The following HCN1 variants were observed in gnomAD, a reference collection of about 807,000 sequenced individuals.
The protein encoded by HCN1 is potassium/sodium hyperpolarization-activated cyclic nucleotide-gated channel 1.
In HCN1, 13 loss-of-function variants were observed where a neutral mutation model predicts 78.9. The ratio of observed to expected loss-of-function variants is 0.16; its 90% confidence interval spans 0.11 to 0.26. HCN1 has a LOEUF of 0.26. Ranked by LOEUF, HCN1 falls within the 10% of genes least tolerant of loss-of-function variation. The pLI, the probability that HCN1 is intolerant of heterozygous loss-of-function variation, is 1.00. For missense variants in HCN1, 810 were observed against 1,154.3 expected (o/e 0.70, Z 4.32); for synonymous variants, 552 against 455.5 (o/e 1.21, Z -2.70).
intron 4 of HCN1, among the ~76,000 whole-genome samples, chr5:45,390,884 G>T (rs1190923816): frequency 6.6e-6 from 1 of 152,116 alleles, no homozygotes; most frequent in African/African-American, 2.4e-5. Flanking sequence ...CCAGGAGCCT[G>T]ATTTGCTAGC....
intron 4 of HCN1, 130 bp downstream of exon 4, chr5:45,396,362 G>A (rs1187775697): frequency 1.3e-6 from 1 of 774,608 alleles, no homozygotes; most frequent in Non-Finnish European, 2.2e-6. Context: ...AAGATAGTGT[G>A]TTTTTACTTT....
chr5:45,454,772 A>G (rs571591825), intron 3 of HCN1, among the ~76,000 whole-genome samples: 25 of 152,074 alleles, frequency 1.6e-4, no homozygotes, highest in Non-Finnish European at 3.7e-4. Context: ...GCCCTTAAAT[A>G]TTTGATAGAA....
chr5:45,606,679 C>T (rs537244836), intron 2 of HCN1, among the ~76,000 whole-genome samples: 20 of 151,626 alleles, frequency 1.3e-4, no homozygotes, highest in South Asian at 1.3e-3. Flanking sequence ...GACTCAATCC[C>T]GAAAGGTAAA....
At chr5:45,365,356 C>A (rs1181046133) in intron 4 of HCN1, among the ~76,000 whole-genome samples, 1 of 151,938 alleles carries the variant, frequency 6.6e-6, no homozygotes, top group East Asian at 1.9e-4. Context: ...CATTCTCCAC[C>A]CTTTTGGAGT....
chr5:45,411,787 C>T (rs907526763), intron 3 of HCN1, among the ~76,000 whole-genome samples: 1 of 152,008 alleles, frequency 6.6e-6, no homozygotes, highest in African/African-American at 2.4e-5. Context: ...TTCAGTAGAA[C>T]TCTTATTTGC....
chr5:45,279,806 C>A lies in HCN1; in HGVS notation c.1619-12553G>T, dbSNP rs184312504. Among the ~76,000 whole-genome samples the A allele has an allele frequency of 1.5e-4, 23 of 152,052 alleles. 1 individual carries two copies. The East Asian group carries it at 4.3e-3, about 28-fold the overall frequency. On this transcript the variant is annotated intron_variant, in intron 6 of 7. Coordinates refer to ENST00000303230, the MANE Select transcript of HCN1 (RefSeq NM_021072.4). The stretch of plus-strand genomic sequence containing the variant: ...ATAAATATTCTTAAAATAAAAATGT[C>A]CATAATATCACCATAACACCCCCAA...
intron 3 of HCN1, among the ~76,000 whole-genome samples, chr5:45,398,087 T>C (rs1739719681): frequency 6.6e-6 from 1 of 151,966 alleles, no homozygotes; most frequent in African/African-American, 2.4e-5. Context: ...CAACTTCTGA[T>C]AATTTATTTA....
At chr5:45,690,497 T>C (rs1277225999) in intron 1 of HCN1, among the ~76,000 whole-genome samples, 1 of 152,020 alleles carries the variant, frequency 6.6e-6, no homozygotes, top group East Asian at 1.9e-4. Context: ...CTGTAGCACA[T>C]ATATACAAAT....
chr5:45,389,434 A>C (rs77202103), intron 4 of HCN1, among the ~76,000 whole-genome samples: 2 of 152,172 alleles, frequency 1.3e-5, no homozygotes, highest in Non-Finnish European at 2.9e-5. Context: ...TCCTAAAAAA[A>C]TAATGTAGTG....
At chr5:45,314,852 A>G (rs1328338096) in intron 5 of HCN1, among the ~76,000 whole-genome samples, 1 of 152,226 alleles carries the variant, frequency 6.6e-6, no homozygotes, top group East Asian at 1.9e-4. Context: ...TCAATTCAAC[A>G]AGAAGAGCTA....
chr5:45,683,516 C>T (rs1376264299), intron 1 of HCN1, among the ~76,000 whole-genome samples: 1 of 152,038 alleles, frequency 6.6e-6, no homozygotes, highest in Non-Finnish European at 1.5e-5. Flanking sequence ...TATTGCCTGA[C>T]CTATCCAGAA....
chr5:45,630,672 A>G (rs1256929217), intron 2 of HCN1, among the ~76,000 whole-genome samples: 1 of 152,160 alleles, frequency 6.6e-6, no homozygotes, highest in African/African-American at 2.4e-5. Flanking sequence ...TTTTTACTTA[A>G]GGAATTTACC....
chr5:45,680,876 C>G (rs1486637590), intron 1 of HCN1, among the ~76,000 whole-genome samples: 2 of 152,148 alleles, frequency 1.3e-5, no homozygotes, highest in African/African-American at 4.8e-5. Context: ...ATTTAAACAT[C>G]TGATGGGTTT....
chr5:45,397,315 C>T (rs1013534234), intron 3 of HCN1, among the ~76,000 whole-genome samples: 1 of 151,962 alleles, frequency 6.6e-6, no homozygotes, highest in Non-Finnish European at 1.5e-5. Flanking sequence ...GGATTGAAGA[C>T]GGCTGAATCT....
chr5:45,664,440 T>A, intron 1 of HCN1, among the ~76,000 whole-genome samples: 1 of 134,968 alleles, frequency 7.4e-6, no homozygotes, highest in African/African-American at 2.8e-5. Context: ...ACATGTACCC[T>A]AAAACTTAAA....
intron 2 of HCN1, among the ~76,000 whole-genome samples, chr5:45,538,090 C>T (rs1561193362): frequency 1.3e-5 from 2 of 151,242 alleles, no homozygotes; most frequent in East Asian, 3.9e-4. Context: ...GGTGCAAAAT[C>T]ATTATTAATG....
chr5:45,559,863 A>G (rs1228432647), intron 2 of HCN1: 3 of 152,156 alleles, frequency 2.0e-5, no homozygotes, highest in Non-Finnish European at 4.4e-5. Context: ...TCAATGTGGG[A>G]AACCTCATTG....
At chr5:45,449,430 A>T (rs1381248584) in intron 3 of HCN1, among the ~76,000 whole-genome samples, 4 of 151,990 alleles carry the variant, frequency 2.6e-5, no homozygotes, top group Admixed American at 6.6e-5. Context: ...GATTCTCATC[A>T]TTTCTTCTAT....
At chr5:45,402,808 CTTT>C (rs1473565580) in intron 3 of HCN1, among the ~76,000 whole-genome samples, 1 of 135,214 alleles carries the variant, frequency 7.4e-6, no homozygotes, top group East Asian at 2.3e-4. Context: ...TCTTTCCTTT[CTTT>C]CCTCCTTCCT....
Sources: allele counts gnomAD v4.1 joint callset (sites outside exome capture counted in the v4.1 genomes callset), GRCh38; gene constraint gnomAD v4.1.1; transcripts MANE v1.5; gene names NCBI Gene and HGNC (gene_info 2026-07-23, HGNC 2026-07-21).